RCC1L: variants seen among roughly 807,000 people sequenced by gnomAD.
The protein encoded by RCC1L is RCC1-like G exchanging factor-like protein.
Under a neutral mutation model 58.6 loss-of-function variants are expected in RCC1L, and 46 were observed. That is an observed-to-expected ratio of 0.79 (90% CI 0.62 to 1.00). The LOEUF (loss-of-function observed/expected upper bound fraction) is 1.00. RCC1L is among the 50% of genes least tolerant of loss of function. The probability of loss-of-function intolerance (pLI) is 0.00; values close to 1 mark genes in which losing one functional copy is unlikely to be tolerated. For synonymous variants in RCC1L, 281 were observed against 262.9 expected (o/e 1.07, Z -0.67); for missense variants, 636 against 623.6 (o/e 1.02, Z -0.21).
intron 10 of RCC1L, chr7:75,028,105 T>G: frequency 6.7e-7 from 1 of 1,492,434 alleles, no homozygotes; most frequent in East Asian, 2.5e-5. Flanking sequence ...GAGGGCTCTC[T>G]ATGATGTGGA....
intron 5 of RCC1L, among the ~76,000 whole-genome samples, chr7:75,062,296 T>C (rs1242741628): frequency 6.6e-6 from 1 of 152,146 alleles, no homozygotes; most frequent in Non-Finnish European, 1.5e-5. Flanking sequence ...GGCGGGAGGA[T>C]GGCTTGAGGC....
intron 1 of RCC1L, among the ~76,000 whole-genome samples, chr7:75,071,755 C>A (rs2115563599): frequency 6.6e-6 from 1 of 152,244 alleles, no homozygotes; most frequent in South Asian, 2.1e-4. Flanking sequence ...ACTGTGTGAT[C>A]TGAGATAGAT....
At chr7:75,072,383 TA>T (rs1259544558) in intron 1 of RCC1L, among the ~76,000 whole-genome samples, 2 of 151,566 alleles carry the variant, frequency 1.3e-5, no homozygotes, top group African/African-American at 2.4e-5. Flanking sequence ...TTTGTTATTA[TA>T]TTTTCTATTT....
downstream of RCC1L, among the ~76,000 whole-genome samples, chr7:75,040,580 C>T (rs1033205419): frequency 2.0e-5 from 3 of 152,190 alleles, no homozygotes; most frequent in East Asian, 1.9e-4. Flanking sequence ...CCTGCCATCC[C>T]GAACCCCGCC....
At chr7:75,066,927 G>A (rs782655628) in intron 2 of RCC1L, 135 bp from the exon 3 acceptor site, 172 of 1,216,346 alleles carry the variant, frequency 1.4e-4, no homozygotes, top group Non-Finnish European at 1.8e-4. Context: ...TAAGTTAGGC[G>A]CAGAGCAAGG....
chr7:75,030,947 C>T (rs1391845220), intron 10 of RCC1L, among the ~76,000 whole-genome samples: 1 of 152,182 alleles, frequency 6.6e-6, no homozygotes, highest in Admixed American at 6.5e-5. Context: ...GAGACCCCTG[C>T]CCCTCACCCA....
In RCC1L at chr7:75,052,789, T is replaced by C; in HGVS notation, c.1239A>G (p.Gly413=). 1 of 1,612,884 alleles carries C rather than the reference T, an allele frequency of 6.2e-7. No homozygotes were observed. Among genetic ancestry groups the C allele is most frequent in the Non-Finnish European group, 8.5e-7 (1 of 1,179,586 alleles). ...TGTTCTTGCCCCATACAAACAGCTC[T>C]CCTTTGTCTGCAAAGGGAGGAAAAC... ...LSHFAALTNK[G]ELFVWGKNIR... The change falls in exon 10 of 11, where the codon GGA becomes GGG. Residue 413 remains glycine, a synonymous_variant. Coordinates refer to ENST00000610322, the MANE Select transcript of RCC1L (RefSeq NM_030798.5).
intron 8 of RCC1L, 112 bp from the exon 9 acceptor site, chr7:75,056,186 T>G (rs986403264): frequency 4.3e-5 from 51 of 1,191,750 alleles, no homozygotes; most frequent in Non-Finnish European, 4.7e-5. Flanking sequence ...TTTTTTTTTG[T>G]TTTTTTTTTG....
intron 1 of RCC1L, among the ~76,000 whole-genome samples, chr7:75,071,157 A>T (rs1300678828): frequency 6.6e-6 from 1 of 152,206 alleles, no homozygotes; most frequent in Non-Finnish European, 1.5e-5. Flanking sequence ...TGCCTGGCCC[A>T]AGAACACATA....
rs151270402 is a variant in RCC1L at position 75,055,938 on chromosome 7, G to A, written c.1194C>T (p.Arg398=). 3.5e-5 allele frequency: 56 copies of A among 1,613,868 alleles called. No individual in the cohort carries two copies. The African/African-American group carries it at 6.0e-4, about 17-fold the overall frequency. ...CAAAGTGGCTGAGTCCACATCGGATGCGGGAAACCTGGATTTCTGGGTTGA... is the reference window on the plus strand; with the variant it reads ...CAAAGTGGCTGAGTCCACATCGGATACGGGAAACCTGGATTTCTGGGTTGA... ...TEFNPEIQVS[R]IRCGLSHFAA... The change falls in exon 9 of 11, where the codon CGC becomes CGT. Residue 398 remains arginine, a synonymous_variant. Transcript: ENST00000610322.
At chr7:75,038,143 G>A (rs984102468), downstream of RCC1L, among the ~76,000 whole-genome samples, 6 of 152,190 alleles carry the variant, frequency 3.9e-5, no homozygotes, top group East Asian at 1.9e-4. Flanking sequence ...GGCCAGTGCC[G>A]GGTGCTGCCC....
chr7:75,062,610 C>A (rs936360233), intron 5 of RCC1L, among the ~76,000 whole-genome samples: 5 of 152,166 alleles, frequency 3.3e-5, no homozygotes, highest in African/African-American at 9.7e-5. Context: ...TTATTCTCAT[C>A]CCCAGAATAG....
rs782549268 is a variant in RCC1L at position 75,073,652 on chromosome 7, G to T, written c.86C>A (p.Ala29Asp). The change falls in exon 1 of 11, where the codon GCC (alanine) becomes GAC (aspartate). Residue 29 changes from alanine to aspartate, a missense_variant. Transcript: ENST00000610322. ...PGLGRGHWTA[A>D]GRSRSRREAA... ...TTCGCGCCGGCTCCGGGAGCGCCCG[G>T]CCGCCGTCCAGTGCCCTCGCCCCAG... 6 of 1,472,470 alleles carry T rather than the reference G, an allele frequency of 4.1e-6. No homozygotes were observed. In the African/African-American group the frequency reaches 7.4e-5, roughly 18 times the overall value. 91.2% of individuals were successfully genotyped at this position (1,472,470 alleles called of 1,614,324 possible).
chr7:75,054,484 T>C (rs1231046200), intron 9 of RCC1L, among the ~76,000 whole-genome samples: 1 of 152,230 alleles, frequency 6.6e-6, no homozygotes, highest in East Asian at 1.9e-4. Flanking sequence ...TCTAGTCAAA[T>C]GCTTCACACA....
At chr7:75,064,684 G>C (rs1482241998) in intron 3 of RCC1L, 36 bp from the exon 4 acceptor site, 1 of 1,610,322 alleles carries the variant, frequency 6.2e-7, no homozygotes, top group Non-Finnish European at 8.5e-7. Context: ...CAGTTCTGCA[G>C]GTTTGTGGGA....
intron 10 of RCC1L, among the ~76,000 whole-genome samples, chr7:75,028,382 A>G (rs1021331995): frequency 2.0e-5 from 3 of 152,004 alleles, no homozygotes; most frequent in Non-Finnish European, 2.9e-5. Flanking sequence ...TGGCCTCCCG[A>G]AGTGCTGGGA....
intron 3 of RCC1L, among the ~76,000 whole-genome samples, chr7:75,065,926 G>A (rs1235701424): frequency 6.6e-6 from 1 of 150,996 alleles, no homozygotes; most frequent in Non-Finnish European, 1.5e-5. Context: ...GCTGAGGCAG[G>A]AGAATTGCTT....
intron 7 of RCC1L, among the ~76,000 whole-genome samples, 185 bp downstream of exon 7, chr7:75,058,403 A>AT (rs1192362844): frequency 6.9e-6 from 1 of 145,876 alleles, no homozygotes; most frequent in Non-Finnish European, 1.5e-5. Flanking sequence ...TAATTTTTGT[A>AT]TTTTTTTGGT....
At chr7:75,051,637 T>C (rs1193192222) in intron 10 of RCC1L, among the ~76,000 whole-genome samples, 1 of 152,174 alleles carries the variant, frequency 6.6e-6, no homozygotes, top group Non-Finnish European at 1.5e-5. Flanking sequence ...GGTCTCGAAC[T>C]CCTGACCTTG....
Sources: gnomAD v4.1 joint callset for allele counts (sites outside exome capture counted in the v4.1 genomes callset) on GRCh38, gnomAD v4.1.1 for gene constraint, MANE v1.5 for transcripts, NCBI Gene and HGNC (gene_info 2026-07-23, HGNC 2026-07-21) for gene names.